The following MGAT5B variants were observed in gnomAD, a reference collection of about 807,000 sequenced individuals.
MGAT5B encodes the protein alpha-1,6-mannosylglycoprotein 6-beta-N-acetylglucosaminyltransferase B, also known as N-acetylglucosaminyl-transferase Vb.
A neutral mutation model predicts 95.1 loss-of-function variants in MGAT5B; 54 were observed. The observed-to-expected ratio is 0.57, with a 90% confidence interval of 0.46 to 0.71. The LOEUF is 0.71. MGAT5B is among the 30% of genes least tolerant of loss of function. The pLI is 0.00. For synonymous variants in MGAT5B, 464 were observed against 451.0 expected (o/e 1.03, Z -0.36); for missense variants, 935 against 1,088.6 (o/e 0.86, Z 1.99).
At chr17:76,891,372 A>G (rs1267535950) in intron 3 of MGAT5B, among the ~76,000 whole-genome samples, 1 of 151,430 alleles carries the variant, frequency 6.6e-6, no homozygotes, top group Non-Finnish European at 1.5e-5. Flanking sequence ...GAGGGTTAGG[A>G]TTTCTTTCTT....
At chr17:76,899,441 G>A (rs895787467) in intron 3 of MGAT5B, among the ~76,000 whole-genome samples, 1 of 152,050 alleles carries the variant, frequency 6.6e-6, no homozygotes, top group Non-Finnish European at 1.5e-5. Flanking sequence ...CCCAGGAGTT[G>A]GAGACCAGCC....
In MGAT5B at chr17:76,915,969, G is replaced by GACCT. The variant is rs1212534300; in HGVS notation, c.1026-8991_1026-8988dup. ...GAAATTCAGACTTGGGTAGGCAGAA[G>GACCT]ACCTACCTAGACTGCGGGTAAGGGG... On this transcript the variant is annotated intron_variant, in intron 8 of 17. Transcript: ENST00000569840. This position sits in a 1 kb window ranked among gnomAD's most constrained non-coding sequence, Gnocchi z 8.7. 2.0e-5 allele frequency among the ~76,000 whole-genome samples: 3 copies of GACCT among 152,244 alleles called. No individual in the cohort carries two copies. Among genetic ancestry groups the GACCT allele is most frequent in the Non-Finnish European group, 4.4e-5 (3 of 68,052 alleles).
rs536533138 is a variant in MGAT5B at position 76,925,107 on chromosome 17, C to G, written c.1157+10C>G. ...CCTTCAAGAAGTACCGGTGAGAGGG[C>G]GGCCAGAGGGTGGGCACGTGGCCCA... is the stretch of plus-strand genomic sequence containing the variant. On this transcript the variant is annotated intron_variant, in intron 9 of 17. Coordinates refer to ENST00000569840, the MANE Select transcript of MGAT5B (RefSeq NM_001199172.2). 10 of 1,610,254 alleles carry G rather than the reference C, an allele frequency of 6.2e-6. No individual in the cohort carries two copies. Among genetic ancestry groups the G allele is most frequent in the Middle Eastern group, 1.6e-4 (1 of 6,076 alleles).
intron 3 of MGAT5B, among the ~76,000 whole-genome samples, chr17:76,900,936 T>TTTGC (rs147157041): frequency 0.11 from 12,692 of 118,836 alleles, 1,359 homozygotes; most frequent in African/African-American, 0.35. Flanking sequence ...TGCGTGCGTG[T>TTTGC]TTGTGTGTGA....
rs998503237 is a variant in MGAT5B, at chr17:76,889,867, A to C, written c.329+7569A>C. Among the ~76,000 whole-genome samples, 2 of 152,166 alleles carry C rather than the reference A, an allele frequency of 1.3e-5. No homozygotes were observed. Among genetic ancestry groups the C allele is most frequent in the Admixed American group, 1.3e-4 (2 of 15,282 alleles). ...TGAAAAAGTCCCAAGTTCCCAGTGC[A>C]GTCCCTGCCGGGCTGGGAGGGAGGT... On this transcript the variant is annotated intron_variant, in intron 3 of 17. Coordinates refer to ENST00000569840, the MANE Select transcript of MGAT5B (RefSeq NM_001199172.2). The surrounding 1 kb of genome is among the most constrained non-coding windows in gnomAD (Gnocchi z 4.4).
At position 76,939,390 on chromosome 17, in the gene MGAT5B, TGTA is replaced by T. The variant is rs555660011; in HGVS notation, c.1585-1009_1585-1007del. Among the ~76,000 whole-genome samples the T allele has an allele frequency of 4.4e-3, 673 of 152,050 alleles. 7 individuals are homozygous for T. Among genetic ancestry groups the T allele is most frequent in the African/African-American group, 0.016 (648 of 41,460 alleles). On this transcript the variant is annotated intron_variant, in intron 13 of 17. Transcript: ENST00000569840. ...TCAGCTGGGTGTGGTGGCGGGCGCC[TGTA>T]GTCCTGGCTACTCAGGAGGGTGAGA... is the stretch of plus-strand genomic sequence containing the variant.
At position 76,950,162 on chromosome 17, in the gene MGAT5B, G is replaced by C. The variant is rs183267426; in HGVS notation, c.*1324G>C. ...TCCACCCTTCCCGGGAGGCAGCCCC[G>C]GGATGCTGAGAGTTGGTGGAGGGGC... On this transcript the variant is annotated 3_prime_UTR_variant, in exon 18 of 18. Transcript: ENST00000569840. 1 of 152,568 alleles carries C rather than the reference G, an allele frequency of 6.6e-6. No homozygotes were observed. Among genetic ancestry groups the C allele is most frequent in the South Asian group, 2.1e-4 (1 of 4,822 alleles). The allele number at this position is 152,568 out of a possible 1,614,324, so 9.5% of individuals were successfully genotyped here.
chr17:76,940,567 G>C lies in MGAT5B; in HGVS notation c.1731+19G>C, dbSNP rs201738014. Reference sequence around the variant, plus strand: ...CAGAGAGGTGAGTGGAAAGCATCCTGGTCCCCGATCAGGAGGGGCCGGGAC... The same window carrying C: ...CAGAGAGGTGAGTGGAAAGCATCCTCGTCCCCGATCAGGAGGGGCCGGGAC... On this transcript the variant is annotated intron_variant, in intron 14 of 17. Transcript: ENST00000569840. This position sits in a 1 kb window ranked among gnomAD's most constrained non-coding sequence, Gnocchi z 4.3. 1.2e-4 allele frequency: 192 copies of C among 1,599,586 alleles called. 2 individuals are homozygous for C. The highest frequency in any genetic ancestry group is 1.7e-4 in the Middle Eastern group (1 of 6,000).
chr17:76,882,862 C>T (rs1967485611), intron 3 of MGAT5B, among the ~76,000 whole-genome samples: 1 of 150,666 alleles, frequency 6.6e-6, no homozygotes, highest in Admixed American at 6.6e-5. Flanking sequence ...CTACAGGCGC[C>T]CACCACCACA....
intron 3 of MGAT5B, among the ~76,000 whole-genome samples, chr17:76,897,660 A>AC (rs1385091778): frequency 5.3e-4 from 37 of 69,442 alleles, no homozygotes; most frequent in Admixed American, 1.4e-3. Context: ...AAGTAAGGCC[A>AC]CTTTCTTTCT....
intron 12 of MGAT5B, 65 bp from the exon 13 acceptor site, chr17:76,937,923 T>C (rs953283492): frequency 1.9e-6 from 3 of 1,578,140 alleles, no homozygotes; most frequent in Admixed American, 1.7e-5. Context: ...CAAAGGGATC[T>C]CCTCCATGGA....
intron 12 of MGAT5B, among the ~76,000 whole-genome samples, chr17:76,937,292 G>A (rs4789380): frequency 0.18 from 27,001 of 152,040 alleles, 2,596 homozygotes; most frequent in East Asian, 0.39. Flanking sequence ...CCCTCCTTCA[G>A]TGAAAGAAGG....
intron 2 of MGAT5B, among the ~76,000 whole-genome samples, chr17:76,876,807 G>A (rs535142914): frequency 3.7e-4 from 56 of 152,302 alleles, no homozygotes; most frequent in Non-Finnish European, 6.8e-4. Context: ...ATCATGACCC[G>A]GAGGAGATCT....
intron 16 of MGAT5B, among the ~76,000 whole-genome samples, chr17:76,947,126 C>T (rs1372109044): frequency 6.6e-6 from 1 of 152,216 alleles, no homozygotes; most frequent in African/African-American, 2.4e-5. Flanking sequence ...CCCCGGGTGT[C>T]CAGGGTGATG....
At chr17:76,883,543 A>G (rs1967509523) in intron 3 of MGAT5B, among the ~76,000 whole-genome samples, 1 of 152,176 alleles carries the variant, frequency 6.6e-6, no homozygotes. Context: ...TGGACCTCAG[A>G]GAACAGGAGT....
At chr17:76,935,501 C>T (rs764586341) in intron 12 of MGAT5B, among the ~76,000 whole-genome samples, 5 of 132,378 alleles carry the variant, frequency 3.8e-5, no homozygotes, top group East Asian at 2.2e-4. Flanking sequence ...AAATTTCAGC[C>T]GTTCTAACAG....
chr17:76,869,553 A>T lies in MGAT5B; in HGVS notation c.68+456A>T, dbSNP rs1351589606. Among the ~76,000 whole-genome samples the T allele has an allele frequency of 6.6e-6, 1 of 150,418 alleles. No individual in the cohort carries two copies. The highest frequency in any genetic ancestry group is 6.6e-5 in the Admixed American group (1 of 15,120). ...CTGCCCCTAGGTCGGCTACCCCCCA[A>T]CCCCTCCGCCTGTGCCACCCTCTCC... On this transcript the variant is annotated intron_variant, in intron 1 of 17. Transcript: ENST00000569840. The surrounding 1 kb of genome is among the most constrained non-coding windows in gnomAD (Gnocchi z 7.0).
At chr17:76,897,659 C>CTCTTTCTTTCTTTCTT (rs1567800041) in intron 3 of MGAT5B, among the ~76,000 whole-genome samples, 6 of 108,898 alleles carry the variant, frequency 5.5e-5, no homozygotes, top group Admixed American at 9.0e-5. Flanking sequence ...CAAGTAAGGC[C>CTCTTTCTTTCTTTCTT]ACTTTCTTTC....
Position 76,947,926 on chromosome 17 carries a change from C to A in MGAT5B, c.2020C>A (p.Arg674=), listed in dbSNP as rs375795136. 2.5e-6 allele frequency: 4 copies of A among 1,613,300 alleles called. No individual in the cohort carries two copies. In the East Asian group the frequency reaches 8.9e-5, roughly 36 times the overall value. The change falls in exon 17 of 18, where the codon CGG becomes AGG. Residue 674 remains arginine, a synonymous_variant. Transcript: ENST00000569840. ...APNATHLEWA[R]NTSLAPGAWP... ...CAATGCCACCCACCTCGAGTGGGCT[C>A]GGAACACCAGCTTGGCTCCTGGGGC...
Sources: gnomAD v4.1 joint callset for allele counts (sites outside exome capture counted in the v4.1 genomes callset) on GRCh38, gnomAD v4.1.1 for gene constraint, Gnocchi (gnomAD v3.1) non-coding constraint, MANE v1.5 for transcripts, NCBI Gene and HGNC (gene_info 2026-07-23, HGNC 2026-07-21) for gene names.